ITPR1: variants seen among roughly 807,000 people sequenced by gnomAD.
The protein encoded by ITPR1 is inositol 1,4,5-trisphosphate-gated calcium channel ITPR1.
Under a neutral mutation model 318.4 loss-of-function variants are expected in ITPR1, and 96 were observed. The ratio of observed to expected loss-of-function variants is 0.30; its 90% CI spans 0.26 to 0.36. ITPR1 has a LOEUF of 0.36. Among genes scored for constraint, ITPR1 ranks in the 10% least tolerant of loss-of-function variants. The pLI is 1.00. For missense variants in ITPR1, 2,440 were observed against 3,460.2 expected (o/e 0.71, Z 7.40); for synonymous variants, 1,312 against 1,289.9 (o/e 1.02, Z -0.37).
intron 47 of ITPR1, among the ~76,000 whole-genome samples, chr3:4,776,495 C>T (rs1559876670): frequency 6.6e-6 from 1 of 152,120 alleles, no homozygotes; most frequent in African/African-American, 2.4e-5. Flanking sequence ...GGAGCCAGGC[C>T]CTTCATTCAG....
At chr3:4,608,943 A>T (rs564271881) in intron 4 of ITPR1, among the ~76,000 whole-genome samples, 4 of 144,228 alleles carry the variant, frequency 2.8e-5, no homozygotes, top group African/African-American at 1.0e-4. Flanking sequence ...TAGAGGTTGC[A>T]GTGAGCCGAG....
chr3:4,506,537 T>G (rs1210882980), intron 2 of ITPR1, among the ~76,000 whole-genome samples: 1 of 152,230 alleles, frequency 6.6e-6, no homozygotes, highest in African/African-American at 2.4e-5. Flanking sequence ...CTATCTGATT[T>G]GTCTTGCTTG....
intron 50 of ITPR1, among the ~76,000 whole-genome samples, chr3:4,783,580 C>G (rs537377397): frequency 1.3e-5 from 2 of 152,074 alleles, no homozygotes; most frequent in African/African-American, 4.8e-5. Context: ...CTAATGACAT[C>G]GGGGGAAAGT....
In ITPR1 at chr3:4,768,492, C is replaced by A. The variant is rs180981509; in HGVS notation, c.5726-19C>A. 4 of 1,593,250 alleles carry A rather than the reference C, an allele frequency of 2.5e-6. No individual in the cohort carries two copies. The East Asian group carries it at 9.0e-5, about 36-fold the overall frequency. ...CATGAGGACTCTGCAGCCTTTCATG[C>A]CTTATGCTTGCTTTCTAGCTAAAGA... is the stretch of plus-strand genomic sequence containing the variant. On this transcript the variant is annotated intron_variant, in intron 45 of 61. Coordinates refer to ENST00000649015, the MANE Select transcript of ITPR1 (RefSeq NM_001378452.1).
At chr3:4,798,063 G>A (rs1026983844) in intron 53 of ITPR1, among the ~76,000 whole-genome samples, 11 of 152,034 alleles carry the variant, frequency 7.2e-5, no homozygotes, top group African/African-American at 2.4e-4. Flanking sequence ...TTTTTACATT[G>A]GCCTCTTCAG....
intron 4 of ITPR1, among the ~76,000 whole-genome samples, chr3:4,626,684 C>G (rs571833432): frequency 3.3e-5 from 5 of 152,258 alleles, no homozygotes; most frequent in African/African-American, 1.2e-4. Flanking sequence ...TCGCAGTGCA[C>G]TGAGAGTGAG....
At chr3:4,640,800 A>G (rs567715040) in intron 6 of ITPR1, among the ~76,000 whole-genome samples, 1 of 152,276 alleles carries the variant, frequency 6.6e-6, no homozygotes, top group Middle Eastern at 3.4e-3. Context: ...AATCTTAGTT[A>G]TTATTACTTC....
intron 4 of ITPR1, among the ~76,000 whole-genome samples, chr3:4,576,900 G>A (rs2088722367): frequency 6.6e-6 from 1 of 152,178 alleles, no homozygotes; most frequent in Admixed American, 6.5e-5. Flanking sequence ...ATTTCCTGAA[G>A]GGTCATAAAC....
chr3:4,591,144 T>TAGTA, intron 4 of ITPR1, among the ~76,000 whole-genome samples: 1 of 152,360 alleles, frequency 6.6e-6, no homozygotes, highest in East Asian at 1.9e-4. Flanking sequence ...GCATTTAGGT[T>TAGTA]AATTCCATGC....
Position 4,768,751 on chromosome 3 carries a change from A to G in ITPR1, c.5966A>G (p.Asn1989Ser), listed in dbSNP as rs1398402838. Residue 1989 changes from asparagine (N) to serine (S), a missense_variant, in exon 46 of 62, where the codon AAC becomes AGC. By Grantham distance (46) the Asn-to-Ser change is conservative (BLOSUM62 1). This residue lies in a region of ITPR1 where 76 missense variants were observed against 162.1 expected (regional missense o/e 0.47). Coordinates refer to ENST00000649015, the MANE Select transcript of ITPR1 (RefSeq NM_001378452.1). ...RFLQLLCENH[N>S]RDLQNFLRCQ... is the part of the protein sequence containing the mutation. Reference sequence around the variant, plus strand: ...CTTCAGCTCCTGTGTGAAAACCACAACCGAGACCTGCAGGTGAGGGCCTGG... The same window carrying G: ...CTTCAGCTCCTGTGTGAAAACCACAGCCGAGACCTGCAGGTGAGGGCCTGG... The G allele has an allele frequency of 2.5e-6, 4 of 1,611,322 alleles. No individual in the cohort carries two copies. Among genetic ancestry groups the G allele is most frequent in the Non-Finnish European group, 3.4e-6 (4 of 1,178,064 alleles).
intron 4 of ITPR1, among the ~76,000 whole-genome samples, chr3:4,560,126 A>C (rs949561963): frequency 6.6e-6 from 1 of 152,216 alleles, no homozygotes. Flanking sequence ...TTGGAACAGT[A>C]CTTGGCACGT....
chr3:4,612,262 A>C (rs1033047061), intron 4 of ITPR1, among the ~76,000 whole-genome samples: 2 of 151,726 alleles, frequency 1.3e-5, no homozygotes, highest in Non-Finnish European at 1.5e-5. Flanking sequence ...GCGTTTCACC[A>C]TGTTGGCCAG....
At chr3:4,662,334 C>G (rs2093852229) in intron 15 of ITPR1, 92 bp downstream of exon 15, 2 of 1,161,872 alleles carry the variant, frequency 1.7e-6, no homozygotes, top group African/African-American at 3.1e-5. Context: ...TGACTCTGAA[C>G]AGCTAAACAT....
chr3:4,541,089 C>G (rs952853336), intron 4 of ITPR1, among the ~76,000 whole-genome samples: 2 of 152,120 alleles, frequency 1.3e-5, no homozygotes, highest in Non-Finnish European at 2.9e-5. Flanking sequence ...CTGTCATCCT[C>G]TCTCAGTCTA....
At chr3:4,814,108 C>G (rs1285078202) in intron 57 of ITPR1, among the ~76,000 whole-genome samples, 2 of 152,158 alleles carry the variant, frequency 1.3e-5, no homozygotes, top group Non-Finnish European at 1.5e-5. Flanking sequence ...TGCGAAGCAA[C>G]TCATCTGACA....
At position 4,706,399 on chromosome 3, in the gene ITPR1, A is replaced by G. The variant is rs186945103; in HGVS notation, c.4842+48A>G. 6.4e-4 allele frequency: 974 copies of G among 1,510,876 alleles called. 3 individuals are homozygous for G. The highest frequency in any genetic ancestry group is 7.3e-4 in the Non-Finnish European group (806 of 1,110,718). The allele number at this position is 1,510,876 out of a possible 1,614,324, so 93.6% of individuals were successfully genotyped here. ...GTGATGCTTAGCCTGGCCTCACGTG[A>G]TTGCCACACACAGCAGTGCATCCTT... On this transcript the variant is annotated intron_variant, in intron 37 of 61. Coordinates refer to ENST00000649015, the MANE Select transcript of ITPR1 (RefSeq NM_001378452.1).
intron 4 of ITPR1, among the ~76,000 whole-genome samples, chr3:4,555,168 T>C (rs1205899300): frequency 6.6e-6 from 1 of 152,052 alleles, no homozygotes; most frequent in African/African-American, 2.4e-5. Context: ...AAAGTCAGGG[T>C]ATTTGGGGGA....
chr3:4,607,422 C>G (rs978293491), intron 4 of ITPR1, among the ~76,000 whole-genome samples: 2 of 152,084 alleles, frequency 1.3e-5, no homozygotes, highest in African/African-American at 2.4e-5. Flanking sequence ...ACGCTTCCAC[C>G]CAGGTCCGTG....
chr3:4,800,590 G>C lies in ITPR1; in HGVS notation c.7097G>C (p.Gly2366Ala). ...VGLQPTLFLL[G>A]AFNVCNKIIF... ...TTACAACCCACGTTGTTTCTTCTGG[G>C]CGCTTTCAATGTAAGTGTGAATACC... The change falls in exon 54 of 62, where the codon GGC becomes GCC. Residue 2366 changes from glycine to alanine, a missense_variant. Physicochemically the swap from Gly to Ala is moderately conservative, Grantham distance 60 (BLOSUM62 0). Transcript: ENST00000649015. The C allele has an allele frequency of 6.2e-7, 1 of 1,613,938 alleles. No individual in the cohort carries two copies. The highest frequency in any genetic ancestry group is 8.5e-7 in the Non-Finnish European group (1 of 1,179,842).
Sources: allele counts gnomAD v4.1 joint callset (sites outside exome capture counted in the v4.1 genomes callset), GRCh38; gene constraint gnomAD v4.1.1; regional missense constraint gnomAD v4.1.1; transcripts MANE v1.5; gene names NCBI Gene and HGNC (gene_info 2026-07-23, HGNC 2026-07-21).